Variants in GALNT7 observed in about 807,000 individuals in gnomAD.
GALNT7 encodes the protein N-acetylgalactosaminyltransferase 7.
GALNT7 carries 60 observed loss-of-function variants against 82.1 expected under a neutral mutation model. The observed-to-expected ratio is 0.73, with a 90% CI of 0.59 to 0.91. The LOEUF is 0.91. Among genes scored for constraint, GALNT7 ranks in the 40% least tolerant of loss-of-function variants. GALNT7 has a pLI of 0.00. For synonymous variants in GALNT7, 243 were observed against 275.1 expected (o/e 0.88, Z 1.15); for missense variants, 660 against 804.2 (o/e 0.82, Z 2.17).
chr4:173,281,905 A>G (rs535081563), intron 2 of GALNT7, among the ~76,000 whole-genome samples: 1 of 152,220 alleles, frequency 6.6e-6, no homozygotes, highest in Admixed American at 6.5e-5. Context: ...TGCACCTTAA[A>G]GTAGCGGTTT....
intron 7 of GALNT7, among the ~76,000 whole-genome samples, chr4:173,303,431 G>A (rs1371414194): frequency 6.6e-6 from 1 of 152,192 alleles, no homozygotes; most frequent in Non-Finnish European, 1.5e-5. Flanking sequence ...GATAAAATGG[G>A]AAGGTGTATT....
chr4:173,207,928 T>C (rs2126665338), intron 1 of GALNT7, among the ~76,000 whole-genome samples: 1 of 152,354 alleles, frequency 6.6e-6, no homozygotes, highest in South Asian at 2.1e-4. Context: ...TTTTAACTTA[T>C]ATTTTTAAAT....
intron 1 of GALNT7, among the ~76,000 whole-genome samples, chr4:173,234,400 A>G (rs1734143019): frequency 6.6e-6 from 1 of 152,178 alleles, no homozygotes; most frequent in Non-Finnish European, 1.5e-5. Context: ...CTCCTCTTGA[A>G]TGTTTCAGAA....
intron 2 of GALNT7, among the ~76,000 whole-genome samples, chr4:173,265,615 CTCTCTG>C (rs1355124208): frequency 1.5e-4 from 21 of 141,108 alleles, no homozygotes; most frequent in African/African-American, 4.9e-4. Context: ...CTCTCTCTCT[CTCTCTG>C]TCTCTGTCTC....
At chr4:173,303,149 C>T (rs1163958536) in intron 7 of GALNT7, among the ~76,000 whole-genome samples, 4 of 151,464 alleles carry the variant, frequency 2.6e-5, no homozygotes, top group South Asian at 2.1e-4. Flanking sequence ...GAGCCGAGAT[C>T]GCACCACTGC....
intron 2 of GALNT7, among the ~76,000 whole-genome samples, chr4:173,264,865 C>G (rs1047989825): frequency 4.6e-5 from 7 of 152,336 alleles, no homozygotes; most frequent in Middle Eastern, 3.4e-3. Flanking sequence ...TTGCCTCTTC[C>G]TGCATCCTGG....
chr4:173,296,747 T>C (rs550344883), intron 5 of GALNT7, among the ~76,000 whole-genome samples: 3 of 152,214 alleles, frequency 2.0e-5, no homozygotes, highest in Non-Finnish European at 4.4e-5. Context: ...GACAGTTAAC[T>C]GACCAAGTGT....
intron 1 of GALNT7, among the ~76,000 whole-genome samples, chr4:173,216,949 T>C (rs947044170): frequency 3.3e-5 from 5 of 151,518 alleles, no homozygotes; most frequent in Admixed American, 1.3e-4. Flanking sequence ...CAGGCTGATC[T>C]TGAACTCCTG....
intron 1 of GALNT7, among the ~76,000 whole-genome samples, chr4:173,233,656 T>C (rs1734115123): frequency 6.6e-6 from 1 of 152,184 alleles, no homozygotes; most frequent in African/African-American, 2.4e-5. Flanking sequence ...AATTCCATCT[T>C]TCCTATTACA....
chr4:173,201,654 A>C (rs72993786), intron 1 of GALNT7, among the ~76,000 whole-genome samples: 2,477 of 152,340 alleles, frequency 0.016, 69 homozygotes, highest in Admixed American at 0.066. Context: ...CATTCAGAGC[A>C]GATGAGCAAC....
chr4:173,276,255 A>T (rs192716415), intron 2 of GALNT7, among the ~76,000 whole-genome samples: 31 of 152,352 alleles, frequency 2.0e-4, no homozygotes, highest in Admixed American at 1.2e-3. Context: ...GACATAATAC[A>T]TGAAAATGCT....
intron 8 of GALNT7, among the ~76,000 whole-genome samples, chr4:173,313,224 T>C (rs1405087380): frequency 6.6e-6 from 1 of 151,072 alleles, no homozygotes; most frequent in Non-Finnish European, 1.5e-5. Flanking sequence ...CATGATGGTT[T>C]CTGAAATGAT....
intron 1 of GALNT7, among the ~76,000 whole-genome samples, chr4:173,224,823 T>C (rs542762437): frequency 1.8e-4 from 28 of 151,520 alleles, no homozygotes; most frequent in South Asian, 4.2e-4. Flanking sequence ...CCATCCTGGC[T>C]AACACGGTGA....
chr4:173,173,398 G>A (rs953192100), intron 1 of GALNT7, among the ~76,000 whole-genome samples: 1 of 152,128 alleles, frequency 6.6e-6, no homozygotes, highest in Non-Finnish European at 1.5e-5. Context: ...CTGAGTGACT[G>A]TCTACAGTTG....
chr4:173,190,172 C>G (rs1191367145), intron 1 of GALNT7, among the ~76,000 whole-genome samples: 1 of 152,022 alleles, frequency 6.6e-6, no homozygotes, highest in Admixed American at 6.6e-5. Context: ...ATGCCCTTCT[C>G]TCTTGTTACT....
chr4:173,286,863 A>G (rs1736341509), intron 2 of GALNT7, among the ~76,000 whole-genome samples: 2 of 152,188 alleles, frequency 1.3e-5, no homozygotes, highest in Admixed American at 6.5e-5. Flanking sequence ...GTCCCTTCTG[A>G]TAAGACTAGA....
chr4:173,275,605 T>A (rs954327364), intron 2 of GALNT7, among the ~76,000 whole-genome samples: 4 of 152,212 alleles, frequency 2.6e-5, no homozygotes, highest in Non-Finnish European at 5.9e-5. Flanking sequence ...TTTTTGTAGC[T>A]TTCCAGCCCT....
chr4:173,223,697 C>T (rs1733712076), intron 1 of GALNT7, among the ~76,000 whole-genome samples: 1 of 151,864 alleles, frequency 6.6e-6, no homozygotes, highest in African/African-American at 2.4e-5. Flanking sequence ...ATTTTCTTCC[C>T]ATATACAAAA....
chr4:173,297,885 C>T, intron 5 of GALNT7: 4 of 1,507,672 alleles, frequency 2.7e-6, no homozygotes, highest in Non-Finnish European at 3.5e-6. Flanking sequence ...ATGGTTTTGC[C>T]AGAGGGGCCT....
Sources: allele counts gnomAD v4.1 joint callset (sites outside exome capture counted in the v4.1 genomes callset), GRCh38; gene constraint gnomAD v4.1.1; transcripts MANE v1.5; gene names NCBI Gene and HGNC (gene_info 2026-07-23, HGNC 2026-07-21).